Variants in C13orf42 observed in about 807,000 individuals in gnomAD.
The protein encoded by C13orf42 is uncharacterized protein C13orf42.
chr13:51,123,256 C>T (rs1176573055), intron 1 of C13orf42, among the ~76,000 whole-genome samples: 1 of 152,196 alleles, frequency 6.6e-6, no homozygotes, highest in Non-Finnish European at 1.5e-5. Flanking sequence ...GCTTATTACA[C>T]AGATTTCTTT....
chr13:51,121,532 A>G (rs1279002679), intron 1 of C13orf42, among the ~76,000 whole-genome samples: 2 of 136,732 alleles, frequency 1.5e-5, no homozygotes, highest in African/African-American at 5.7e-5. Flanking sequence ...GCCTGAAAAA[A>G]ATTTTCTTTT....
chr13:51,145,861 G>C (rs1225966108), intron 1 of C13orf42, among the ~76,000 whole-genome samples: 1 of 152,136 alleles, frequency 6.6e-6, no homozygotes, highest in Non-Finnish European at 1.5e-5. Flanking sequence ...GACGTCTCAT[G>C]TCTCCTTCAA....
At chr13:51,148,553 G>C (rs182395430) in intron 1 of C13orf42, among the ~76,000 whole-genome samples, 6 of 152,330 alleles carry the variant, frequency 3.9e-5, no homozygotes. Context: ...GGCTCACGAA[G>C]GAAGAGCACA....
At chr13:51,170,714 G>A (rs879971306) in intron 1 of C13orf42, among the ~76,000 whole-genome samples, 1 of 152,232 alleles carries the variant, frequency 6.6e-6, no homozygotes, top group Admixed American at 6.5e-5. Flanking sequence ...ATACACTCAC[G>A]TTTCAAGGGT....
chr13:51,146,177 A>G (rs1269610370), intron 1 of C13orf42, among the ~76,000 whole-genome samples: 1 of 126,906 alleles, frequency 7.9e-6, no homozygotes, highest in African/African-American at 3.1e-5. Flanking sequence ...ATATAAATAT[A>G]TAAAAGGCAC....
intron 1 of C13orf42, among the ~76,000 whole-genome samples, chr13:51,089,555 G>A (rs1953162129): frequency 6.6e-6 from 1 of 152,036 alleles, no homozygotes; most frequent in Admixed American, 6.5e-5. Flanking sequence ...GCCTTGTGAA[G>A]AAGCTGCCTA....
At chr13:51,120,701 G>T (rs1197612208) in intron 1 of C13orf42, among the ~76,000 whole-genome samples, 1 of 152,118 alleles carries the variant, frequency 6.6e-6, no homozygotes, top group African/African-American at 2.4e-5. Flanking sequence ...TTTTGGGAAA[G>T]CCTTTGGTTT....
chr13:51,099,126 T>C (rs1340983247), intron 1 of C13orf42, among the ~76,000 whole-genome samples: 2 of 152,202 alleles, frequency 1.3e-5, no homozygotes, highest in African/African-American at 4.8e-5. Context: ...CTAGTGCCTC[T>C]TTTTTGCCTT....
intron 1 of C13orf42, among the ~76,000 whole-genome samples, chr13:51,092,216 A>T (rs1461773658): frequency 1.3e-5 from 2 of 152,212 alleles, no homozygotes; most frequent in African/African-American, 4.8e-5. Flanking sequence ...CCTTTATCAT[A>T]TAAACCACAA....
chr13:51,106,532 G>T (rs561005876), intron 1 of C13orf42, among the ~76,000 whole-genome samples: 2 of 152,198 alleles, frequency 1.3e-5, no homozygotes, highest in Admixed American at 1.3e-4. Flanking sequence ...TTCGTCAGGA[G>T]CATGGCCTTA....
At chr13:51,142,477 A>G (rs2138031219) in intron 1 of C13orf42, among the ~76,000 whole-genome samples, 1 of 152,298 alleles carries the variant, frequency 6.6e-6, no homozygotes, top group African/African-American at 2.4e-5. Context: ...ATGTAATGGG[A>G]TAAATACTTG....
chr13:51,167,182 C>T (rs1953909318), intron 1 of C13orf42, among the ~76,000 whole-genome samples: 1 of 152,104 alleles, frequency 6.6e-6, no homozygotes, highest in Non-Finnish European at 1.5e-5. Context: ...TAATTCTGTC[C>T]AGGAAACCCA....
At chr13:51,089,607 C>A (rs1159097774) in intron 1 of C13orf42, among the ~76,000 whole-genome samples, 1 of 151,966 alleles carries the variant, frequency 6.6e-6, no homozygotes, top group Non-Finnish European at 1.5e-5. Context: ...TTTCCTGAGG[C>A]CTCCCCAGCC....
chr13:51,145,452 A>G (rs886796595), intron 1 of C13orf42, among the ~76,000 whole-genome samples: 1 of 152,204 alleles, frequency 6.6e-6, no homozygotes, highest in Non-Finnish European at 1.5e-5. Context: ...CCATCTAGAA[A>G]TAAACCATCC....
intron 1 of C13orf42, among the ~76,000 whole-genome samples, chr13:51,163,390 A>G (rs1246287831): frequency 6.6e-6 from 1 of 151,960 alleles, no homozygotes; most frequent in Admixed American, 6.6e-5. Flanking sequence ...ACCCCTACTG[A>G]CTCCAGCAGG....
At chr13:51,090,596 T>C (rs570222049) in intron 1 of C13orf42, among the ~76,000 whole-genome samples, 1 of 152,336 alleles carries the variant, frequency 6.6e-6, no homozygotes, top group African/African-American at 2.4e-5. Context: ...TCAATCTTGT[T>C]TGTGTTCATC....
intron 1 of C13orf42, among the ~76,000 whole-genome samples, chr13:51,158,877 G>C (rs1953842584): frequency 6.6e-6 from 1 of 152,222 alleles, no homozygotes; most frequent in Non-Finnish European, 1.5e-5. Flanking sequence ...GAAAATGAAT[G>C]AATCTGCTCG....
intron 1 of C13orf42, among the ~76,000 whole-genome samples, chr13:51,102,215 C>T (rs1289113805): frequency 6.6e-6 from 1 of 152,198 alleles, no homozygotes; most frequent in East Asian, 1.9e-4. Flanking sequence ...AGAAAACCTG[C>T]ATTTTAATAT....
rs189850440 is a variant in C13orf42 at position 51,153,592 on chromosome 13, G to A, written n.136+18661C>T. Reference sequence around the variant, plus strand: ...GCTCAGTTGTGTTAAATACATTCACGTTGTTATCAACCCATTTTCTTGCTT... The same window carrying A: ...GCTCAGTTGTGTTAAATACATTCACATTGTTATCAACCCATTTTCTTGCTT... On this transcript the variant is annotated intron_variant and non_coding_transcript_variant, in intron 1 of 4. Coordinates refer to the C13orf42 transcript ENST00000433280. Among the ~76,000 whole-genome samples the A allele has an allele frequency of 3.7e-4, 51 of 138,836 alleles. 1 individual carries two copies. In the East Asian group the frequency reaches 7.1e-3, roughly 19 times the overall value. 91.1% of individuals were successfully genotyped at this position (138,836 alleles called of 152,430 possible).
Sources: allele counts gnomAD v4.1 joint callset (sites outside exome capture counted in the v4.1 genomes callset), GRCh38; gene constraint gnomAD v4.1.1; transcripts MANE v1.5; gene names NCBI Gene and HGNC (gene_info 2026-07-23, HGNC 2026-07-21).